The following SGCZ variants were observed in gnomAD, a reference collection of about 807,000 sequenced individuals.
The protein encoded by SGCZ is zeta-sarcoglycan.
In SGCZ, 40 loss-of-function variants were observed where a neutral mutation model predicts 41.3. The ratio of observed to expected loss-of-function variants is 0.97; its 90% CI spans 0.75 to 1.26. SGCZ has a LOEUF of 1.26. SGCZ is among the 50% of genes most tolerant of loss of function. SGCZ has a pLI of 0.00. For synonymous variants in SGCZ, 206 were observed against 137.5 expected (o/e 1.50, Z -3.49); for missense variants, 552 against 369.8 (o/e 1.49, Z -4.04).
chr8:15,076,165 A>G (rs1378843715), intron 1 of SGCZ, among the ~76,000 whole-genome samples: 2 of 152,154 alleles, frequency 1.3e-5, no homozygotes, highest in Non-Finnish European at 2.9e-5. Flanking sequence ...ATTGTGAGCC[A>G]TTTTTTATGG....
chr8:14,246,160 C>A (rs572994838), intron 3 of SGCZ, among the ~76,000 whole-genome samples: 2 of 152,086 alleles, frequency 1.3e-5, no homozygotes, highest in African/African-American at 2.4e-5. Flanking sequence ...ATGTTTATTG[C>A]GGCTGTATTC....
chr8:14,716,516 T>C (rs951361713), intron 1 of SGCZ, among the ~76,000 whole-genome samples: 2 of 152,112 alleles, frequency 1.3e-5, no homozygotes, highest in South Asian at 2.1e-4. Context: ...ACTGGAATCA[T>C]AATTTGAATA....
intron 2 of SGCZ, among the ~76,000 whole-genome samples, chr8:14,467,853 G>A (rs1450214395): frequency 1.3e-5 from 2 of 151,974 alleles, no homozygotes; most frequent in Non-Finnish European, 2.9e-5. Context: ...AGATCCTACT[G>A]ATGCAAAGTC....
intron 4 of SGCZ, among the ~76,000 whole-genome samples, chr8:14,222,972 C>T (rs1806254013): frequency 6.6e-6 from 1 of 151,712 alleles, no homozygotes; most frequent in Non-Finnish European, 1.5e-5. Flanking sequence ...CCACCACACC[C>T]AGCTAATTTT....
At chr8:14,345,599 G>A (rs571047565) in intron 2 of SGCZ, among the ~76,000 whole-genome samples, 32 of 152,234 alleles carry the variant, frequency 2.1e-4, no homozygotes, top group African/African-American at 7.0e-4. Flanking sequence ...AATAACGTGA[G>A]TTAAGCCTAA....
chr8:14,551,606 T>A (rs1271420401), intron 2 of SGCZ, among the ~76,000 whole-genome samples: 4 of 45,246 alleles, frequency 8.8e-5, no homozygotes, highest in Non-Finnish European at 1.6e-4. Flanking sequence ...ATTATATATA[T>A]TATATATATA....
intron 1 of SGCZ, among the ~76,000 whole-genome samples, chr8:15,151,463 T>C (rs1799178425): frequency 6.6e-6 from 1 of 152,144 alleles, no homozygotes; most frequent in Admixed American, 6.5e-5. Context: ...ATAATATCAG[T>C]GAAAAGTTGG....
chr8:14,779,204 C>G (rs1800506609), intron 1 of SGCZ, among the ~76,000 whole-genome samples: 1 of 152,170 alleles, frequency 6.6e-6, no homozygotes, highest in South Asian at 2.1e-4. Flanking sequence ...TAGATTATGG[C>G]TGAAGTGATT....
chr8:14,550,121 G>T (rs1803756194), intron 2 of SGCZ, among the ~76,000 whole-genome samples: 1 of 151,974 alleles, frequency 6.6e-6, no homozygotes, highest in Admixed American at 6.6e-5. Flanking sequence ...CATTGGTTGT[G>T]ATAGCAAATT....
intron 1 of SGCZ, among the ~76,000 whole-genome samples, chr8:15,038,960 T>C (rs1464110248): frequency 1.3e-5 from 2 of 152,048 alleles, no homozygotes; most frequent in Non-Finnish European, 2.9e-5. Context: ...AGGATGGCTA[T>C]TACTAAAAGG....
intron 1 of SGCZ, among the ~76,000 whole-genome samples, chr8:15,107,424 G>A (rs568171930): frequency 6.6e-5 from 10 of 152,188 alleles, no homozygotes; most frequent in African/African-American, 2.4e-4. Flanking sequence ...AGGGTGAGAG[G>A]ATTCTTCCTT....
In SGCZ at chr8:14,090,399, A is replaced by G. The variant is rs1219543445; in HGVS notation, c.*44T>C. The G allele has an allele frequency of 6.3e-7, 1 of 1,581,610 alleles. No individual in the cohort carries two copies. Among genetic ancestry groups the G allele is most frequent in the Admixed American group, 1.8e-5 (1 of 56,848 alleles). ...CCGAGCAGAACTGTGAAGCAGACGG[A>G]CAGGAACAAAAGGCTATTCTGGTGT... On this transcript the variant is annotated 3_prime_UTR_variant, in exon 8 of 8. Coordinates refer to ENST00000382080, the MANE Select transcript of SGCZ (RefSeq NM_139167.4).
At chr8:14,557,463 A>G (rs1212059620) in intron 1 of SGCZ, among the ~76,000 whole-genome samples, 2 of 151,910 alleles carry the variant, frequency 1.3e-5, no homozygotes, top group African/African-American at 4.8e-5. Flanking sequence ...TTCTTATTGC[A>G]TTTGCTTTTG....
intron 1 of SGCZ, among the ~76,000 whole-genome samples, chr8:14,798,797 A>T (rs557234164): frequency 6.6e-6 from 1 of 152,108 alleles, no homozygotes; most frequent in African/African-American, 2.4e-5. Context: ...AGTCCATTCT[A>T]TTATAAAACT....
intron 1 of SGCZ, among the ~76,000 whole-genome samples, chr8:15,157,561 C>T (rs1449487949): frequency 6.6e-6 from 1 of 152,212 alleles, no homozygotes; most frequent in African/African-American, 2.4e-5. Context: ...GCCTTCATCA[C>T]TTGTAATACT....
chr8:14,832,021 T>C (rs1267705152), intron 1 of SGCZ, among the ~76,000 whole-genome samples: 4 of 152,134 alleles, frequency 2.6e-5, no homozygotes, highest in African/African-American at 7.2e-5. Context: ...TTGGTAGTTA[T>C]AATCTAGCAA....
At chr8:14,583,464 A>C (rs1474432451) in intron 1 of SGCZ, among the ~76,000 whole-genome samples, 2 of 151,842 alleles carry the variant, frequency 1.3e-5, no homozygotes, top group East Asian at 3.9e-4. Context: ...TTGCCTGTTC[A>C]CTCTGATGGT....
rs187043249 is a variant in SGCZ, at chr8:14,566,167, T to C, written c.40-11241A>G. 3.4e-3 allele frequency among the ~76,000 whole-genome samples: 515 copies of C among 152,370 alleles called. 2 individuals carry two copies. Among genetic ancestry groups the C allele is most frequent in the African/African-American group, 0.012 (489 of 41,594 alleles). The stretch of plus-strand genomic sequence containing the variant: ...AACTAAAATAAGTGTTTAATCAGAA[T>C]ATTATTATATGCTGACTATTTAGAT... On this transcript the variant is annotated intron_variant, in intron 1 of 7. Transcript: ENST00000382080.
chr8:14,851,598 G>A (rs1486217531), intron 1 of SGCZ, among the ~76,000 whole-genome samples: 2 of 151,940 alleles, frequency 1.3e-5, no homozygotes, highest in African/African-American at 4.8e-5. Context: ...GCTGTTTACT[G>A]TCCTGTCAAA....
Sources: allele counts gnomAD v4.1 joint callset (sites outside exome capture counted in the v4.1 genomes callset), GRCh38; gene constraint gnomAD v4.1.1; transcripts MANE v1.5; gene names NCBI Gene and HGNC (gene_info 2026-07-23, HGNC 2026-07-21).